SASH1: variants seen among roughly 807,000 people sequenced by gnomAD.
The protein encoded by SASH1 is SAM and SH3 domain containing 1.
In SASH1, 44 loss-of-function variants were observed where a neutral mutation model predicts 125.2. The observed-to-expected ratio is 0.35, with a 90% CI of 0.28 to 0.45. The LOEUF (loss-of-function observed/expected upper bound fraction) is 0.45, where lower values mean the gene tolerates loss of function less well. SASH1 is among the 20% of genes least tolerant of loss of function. SASH1 has a pLI of 1.00. For missense variants in SASH1, 1,426 were observed against 1,614.5 expected, an observed-to-expected ratio of 0.88 and a Z score of 2.00; for synonymous variants, 639 against 649.1, an observed-to-expected ratio of 0.98 and a Z score of 0.24.
the SASH1 span, among the ~76,000 whole-genome samples, chr6:148,251,761 C>G: frequency 6.6e-6 from 1 of 151,358 alleles, no homozygotes; most frequent in Non-Finnish European, 1.5e-5. Context: ...TATACATGTG[C>G]CATACTAGTG....
intron 16 of SASH1, among the ~76,000 whole-genome samples, chr6:148,536,343 T>TTTG (rs755139900): frequency 2.6e-5 from 4 of 152,102 alleles, no homozygotes; most frequent in African/African-American, 4.8e-5. Flanking sequence ...TTTGTTTTAT[T>TTTG]TTGTTTTGTT....
At chr6:148,508,583 A>T in intron 8 of SASH1, 2 of 1,132,938 alleles carry the variant, frequency 1.8e-6, no homozygotes, top group Non-Finnish European at 2.2e-6. Flanking sequence ...CTGATGACTT[A>T]TGCCTTTCTT....
At chr6:148,482,018 G>A (rs1778642805) in intron 7 of SASH1, among the ~76,000 whole-genome samples, 1 of 150,056 alleles carries the variant, frequency 6.7e-6, no homozygotes, top group South Asian at 2.1e-4. Context: ...CTCTTGGCAA[G>A]TAAGTTCAGG....
chr6:148,474,119 T>C lies in SASH1; in HGVS notation c.524T>C (p.Val175Ala), dbSNP rs200089730. The change falls in exon 7 of 20, where the codon GTT becomes GCT. Residue 175 changes from valine (V) to alanine (A), a missense_variant. By Grantham distance (64) the Val-to-Ala change is moderately conservative (BLOSUM62 0). This residue lies in a region of SASH1 where 567 missense variants were observed against 575.6 expected (regional missense o/e 0.99). Coordinates refer to ENST00000367467, the MANE Select transcript of SASH1 (RefSeq NM_015278.5). ...TGTCCTCAATCTCCAGGAGAAGACG[T>C]TGGTTATGTTGCCAGTGAAATAACG... ...IMRQTSKGED[V>A]GYVASEITMS... 68 of 1,609,186 alleles carry C rather than the reference T, an allele frequency of 4.2e-5. No homozygotes were observed. Among genetic ancestry groups the C allele is most frequent in the Non-Finnish European group, 2.3e-5 (27 of 1,176,894 alleles).
intron 1 of SASH1, among the ~76,000 whole-genome samples, chr6:148,289,016 C>T (rs560466774): frequency 6.6e-5 from 10 of 151,118 alleles, no homozygotes; most frequent in African/African-American, 1.5e-4. Flanking sequence ...TTTTTTGTGA[C>T]GGAGTTTCAC....
In SASH1 at chr6:148,521,788, C is replaced by T. The variant is rs2115359624; in HGVS notation, c.1209+1895C>T. The stretch of plus-strand genomic sequence containing the variant: ...TTTATTTTTTACTTTCAGAAGTGTT[C>T]TACCCAATTCATCTGCTCTTGTATG... On this transcript the variant is annotated intron_variant, in intron 10 of 19. Coordinates refer to ENST00000367467, the MANE Select transcript of SASH1 (RefSeq NM_015278.5). Among the ~76,000 whole-genome samples, 2 of 152,290 alleles carry T rather than the reference C, an allele frequency of 1.3e-5. 1 individual carries two copies. The highest frequency in any genetic ancestry group is 4.1e-4 in the South Asian group (2 of 4,834).
the SASH1 span, among the ~76,000 whole-genome samples, chr6:148,233,169 G>A: frequency 9.3e-5 from 14 of 150,524 alleles, no homozygotes; most frequent in African/African-American, 2.7e-4. Flanking sequence ...AGCCGAGATC[G>A]CGCCATTGCA....
chr6:148,445,706 G>A (rs1182038596), intron 4 of SASH1, among the ~76,000 whole-genome samples: 1 of 152,130 alleles, frequency 6.6e-6, no homozygotes, highest in African/African-American at 2.4e-5. Flanking sequence ...AAAAAGCAGG[G>A]CGAAGAGAGG....
chr6:148,487,011 A>ATATT (rs1166414461), intron 7 of SASH1, among the ~76,000 whole-genome samples: 9,904 of 101,658 alleles, frequency 0.097, 1,110 homozygotes, highest in Non-Finnish European at 0.14. Flanking sequence ...GCTTATATAT[A>ATATT]TGTTTTTATA....
chr6:148,279,066 A>T lies in SASH1; in HGVS notation n.74+6689A>T, dbSNP rs191327336. Reference sequence around the variant, plus strand: ...GAGTGCAGTGGTGCGATCTCAGCTCACTGCCACCCCCGCCTCCTGAGTTCA... The same window carrying T: ...GAGTGCAGTGGTGCGATCTCAGCTCTCTGCCACCCCCGCCTCCTGAGTTCA... On this transcript the variant is annotated intron_variant and non_coding_transcript_variant, in intron 1 of 3. Coordinates refer to the SASH1 transcript ENST00000367469. Among the ~76,000 whole-genome samples, 6 of 151,716 alleles carry T rather than the reference A, an allele frequency of 4.0e-5. No homozygotes were observed. The East Asian group carries it at 9.7e-4, about 25-fold the overall frequency.
intron 4 of SASH1, among the ~76,000 whole-genome samples, chr6:148,443,910 G>C (rs1448890380): frequency 1.3e-5 from 2 of 152,196 alleles, no homozygotes; most frequent in Non-Finnish European, 1.5e-5. Flanking sequence ...GTGACCTGGC[G>C]AACCAGTTGG....
chr6:148,527,650 G>C, intron 12 of SASH1, 54 bp downstream of exon 12: 1 of 1,540,060 alleles, frequency 6.5e-7, no homozygotes, highest in Non-Finnish European at 8.8e-7. Flanking sequence ...AAGAAAAGCT[G>C]AGAATGGCCC....
rs775890550 is a variant in SASH1, at chr6:148,544,497, G to A, written c.3027G>A (p.Gly1009=). 2.5e-6 allele frequency: 4 copies of A among 1,613,910 alleles called. No homozygotes were observed. The East Asian group carries it at 8.9e-5, about 36-fold the overall frequency. The stretch of plus-strand genomic sequence containing the variant: ...ACCCTGTTCCCATGGGCCCCAGTGG[G>A]GCCCTCCCCAGTCCCGATGCGCCAT... ...GLHPVPMGPS[G]ALPSPDAPCL... The change falls in exon 18 of 20, where the codon GGG becomes GGA. Residue 1009 remains glycine (G), a synonymous_variant. Transcript: ENST00000367467. The surrounding 1 kb of genome is among the most constrained non-coding windows in gnomAD (Gnocchi z 6.4).
At chr6:148,220,102 G>A in the SASH1 span, among the ~76,000 whole-genome samples, 2,822 of 152,106 alleles carry the variant, frequency 0.019, 76 homozygotes, top group African/African-American at 0.065. Flanking sequence ...TAGTCTGTTC[G>A]TGCCACTGTA....
At chr6:148,474,656 C>G (rs1405680391) in intron 7 of SASH1, among the ~76,000 whole-genome samples, 1 of 152,204 alleles carries the variant, frequency 6.6e-6, no homozygotes, top group Non-Finnish European at 1.5e-5. Context: ...ACAGCAGCCT[C>G]AACCTCCTGG....
At chr6:148,374,113 A>G (rs1230181916) in intron 1 of SASH1, among the ~76,000 whole-genome samples, 1 of 152,254 alleles carries the variant, frequency 6.6e-6, no homozygotes, top group Non-Finnish European at 1.5e-5. Context: ...CTTTCTTCCC[A>G]TAATGTGTCA....
At chr6:148,304,765 C>T (rs888972443) in intron 1 of SASH1, among the ~76,000 whole-genome samples, 1 of 152,218 alleles carries the variant, frequency 6.6e-6, no homozygotes, top group East Asian at 1.9e-4. Flanking sequence ...CCATGGCTCA[C>T]GCCTGTAATC....
At chr6:148,238,910 C>T in the SASH1 span, among the ~76,000 whole-genome samples, 3 of 152,110 alleles carry the variant, frequency 2.0e-5, no homozygotes, top group Non-Finnish European at 4.4e-5. Context: ...CTCTGGGATA[C>T]GCTGTCATTC....
chr6:148,366,124 G>GA (rs55775118), intron 1 of SASH1, among the ~76,000 whole-genome samples: 19 of 145,500 alleles, frequency 1.3e-4, no homozygotes, highest in African/African-American at 3.3e-4. Flanking sequence ...AAAAAGAAAA[G>GA]AAAAAAAAAA....
Sources: allele counts gnomAD v4.1 joint callset (sites outside exome capture counted in the v4.1 genomes callset), GRCh38; gene constraint gnomAD v4.1.1; regional missense constraint gnomAD v4.1.1; non-coding constraint Gnocchi (gnomAD v3.1); transcripts MANE v1.5; gene names NCBI Gene and HGNC (gene_info 2026-07-23, HGNC 2026-07-21).